The following DNAH7 variants were observed in gnomAD, a reference collection of about 807,000 sequenced individuals.
DNAH7 encodes dynein axonemal heavy chain 7.
DNAH7 carries 397 observed loss-of-function variants against 444.6 expected under a neutral mutation model. The observed-to-expected ratio is 0.89, with a 90% CI of 0.82 to 0.97. DNAH7 has a LOEUF of 0.97. DNAH7 is among the 50% of genes least tolerant of loss of function. The probability of loss-of-function intolerance (pLI) is 0.00; values close to 1 mark genes in which losing one functional copy is unlikely to be tolerated. For synonymous variants in DNAH7, 1,636 were observed against 1,624.4 expected (o/e 1.01, Z -0.17); for missense variants, 4,902 against 4,800.8 (o/e 1.02, Z -0.62).
chr2:195,907,021 G>A lies in DNAH7; in HGVS notation c.4105-12C>T. The A allele has an allele frequency of 1.3e-6, 2 of 1,597,994 alleles. No homozygotes were observed. Among genetic ancestry groups the A allele is most frequent in the African/African-American group, 1.4e-5 (1 of 73,896 alleles). On this transcript the variant is annotated splice_polypyrimidine_tract_variant and intron_variant, in intron 25 of 64. Coordinates refer to ENST00000312428, the MANE Select transcript of DNAH7 (RefSeq NM_018897.3). Reference sequence around the variant, plus strand: ...CAAGATAACAGTCCCTATGAGAAAAGAGTAATGAAAATTTTTGACTTTATC... The same window carrying A: ...CAAGATAACAGTCCCTATGAGAAAAAAGTAATGAAAATTTTTGACTTTATC...
chr2:195,888,044 C>CT (rs1292875706), intron 33 of DNAH7, among the ~76,000 whole-genome samples: 17 of 151,668 alleles, frequency 1.1e-4, no homozygotes, highest in Non-Finnish European at 1.8e-4. Flanking sequence ...TTTGAGTTCT[C>CT]TTTTTTTTAG....
At chr2:195,874,755 A>C (rs341934) in intron 38 of DNAH7, among the ~76,000 whole-genome samples, 1 of 152,116 alleles carries the variant, frequency 6.6e-6, no homozygotes, top group East Asian at 1.9e-4. Flanking sequence ...CCAGGAGTTT[A>C]AGGCTGCCGT....
intron 5 of DNAH7, among the ~76,000 whole-genome samples, chr2:196,045,252 A>G (rs1459519188): frequency 2.0e-5 from 3 of 150,516 alleles, no homozygotes; most frequent in African/African-American, 7.3e-5. Flanking sequence ...AGGGAAGAAA[A>G]AGAAGAAGGG....
chr2:195,853,678 G>C (rs982250352), intron 45 of DNAH7, 150 bp from the exon 46 acceptor site: 3 of 714,532 alleles, frequency 4.2e-6, no homozygotes, highest in Non-Finnish European at 6.6e-6. Flanking sequence ...GAAAGTCCAT[G>C]ATATTTTAGA....
chr2:195,829,085 T>A (rs544990245), intron 48 of DNAH7, among the ~76,000 whole-genome samples: 1 of 152,316 alleles, frequency 6.6e-6, no homozygotes, highest in African/African-American at 2.4e-5. Flanking sequence ...TTTGTCTTTT[T>A]CTCACTTTTT....
chr2:195,935,597 G>A (rs967529003), intron 20 of DNAH7, among the ~76,000 whole-genome samples: 3 of 152,166 alleles, frequency 2.0e-5, no homozygotes, highest in African/African-American at 7.2e-5. Context: ...TATTCCGCTA[G>A]AGGAAGACAT....
chr2:195,984,909 T>G (rs1445161967), intron 14 of DNAH7, among the ~76,000 whole-genome samples, 199 bp from the exon 15 acceptor site: 1 of 152,218 alleles, frequency 6.6e-6, no homozygotes, highest in Non-Finnish European at 1.5e-5. Flanking sequence ...CATTTTTAAC[T>G]ATAATACTGT....
chr2:196,045,662 A>T (rs1575094618), intron 5 of DNAH7, among the ~76,000 whole-genome samples: 1 of 152,294 alleles, frequency 6.6e-6, no homozygotes, highest in East Asian at 1.9e-4. Context: ...TTTGTGTGTT[A>T]TTCAGAAGGA....
chr2:195,912,758 C>T (rs1687437487), intron 24 of DNAH7, among the ~76,000 whole-genome samples: 1 of 152,206 alleles, frequency 6.6e-6, no homozygotes, highest in South Asian at 2.1e-4. Context: ...TATAAACCTA[C>T]TTCTTTCTGT....
Position 195,959,394 on chromosome 2 carries a change from C to T in DNAH7, c.2891+866G>A, listed in dbSNP as rs375713453. On this transcript the variant is annotated intron_variant, in intron 18 of 64. Transcript: ENST00000312428. ...AATTTCCAAGCAGCTAATGATATCA[C>T]GCATAGTCCCTTAAAATGGAATCTA... Among the ~76,000 whole-genome samples the T allele has an allele frequency of 1.1e-4, 17 of 152,182 alleles. 1 individual carries two copies. The highest frequency in any genetic ancestry group is 3.4e-3 in the Middle Eastern group (1 of 294).
chr2:195,798,259 T>C (rs766264360), intron 55 of DNAH7, among the ~76,000 whole-genome samples: 6 of 152,176 alleles, frequency 3.9e-5, no homozygotes, highest in Non-Finnish European at 8.8e-5. Flanking sequence ...GATACCACCA[T>C]CTACCTTATG....
rs1364653816 is a variant in DNAH7, at chr2:195,787,307, A to C, written c.10717-136T>G. On this transcript the variant is annotated intron_variant, in intron 57 of 64. Coordinates refer to ENST00000312428, the MANE Select transcript of DNAH7 (RefSeq NM_018897.3). ...CATATTCATCCCAAATTACAATTAT[A>C]ACAGAGTTAAGTATGTTTCTACAGC... 3.2e-6 allele frequency: 3 copies of C among 933,208 alleles called. No homozygotes were observed. In the Admixed American group the frequency reaches 9.0e-5, roughly 28 times the overall value. The allele number at this position is 933,208 out of a possible 1,614,324, so 57.8% of individuals were successfully genotyped here. A position where few individuals can be genotyped will look rare whatever the true frequency, so the allele number is the denominator to read the frequency against.
chr2:196,014,510 C>G (rs1694901652), intron 9 of DNAH7, among the ~76,000 whole-genome samples: 2 of 152,088 alleles, frequency 1.3e-5, no homozygotes, highest in South Asian at 4.1e-4. Flanking sequence ...GGTCACATAT[C>G]CCTCCTGCCC....
chr2:196,059,196 A>G (rs1575121560), intron 1 of DNAH7, among the ~76,000 whole-genome samples: 2 of 152,146 alleles, frequency 1.3e-5, no homozygotes, highest in African/African-American at 4.8e-5. Context: ...TCTACTTCCT[A>G]AGGTGAATAT....
intron 18 of DNAH7, 125 bp from the exon 19 acceptor site, chr2:195,957,572 A>G (rs1483038328): frequency 4.6e-6 from 2 of 435,228 alleles, no homozygotes; most frequent in Admixed American, 4.7e-5. Flanking sequence ...TATACATTAT[A>G]TACAATCTTG....
At chr2:195,803,493 C>T (rs974364561) in intron 54 of DNAH7, among the ~76,000 whole-genome samples, 9 of 152,194 alleles carry the variant, frequency 5.9e-5, no homozygotes, top group Non-Finnish European at 1.3e-4. Flanking sequence ...TTGTAACTCC[C>T]GAGGTAAATG....
chr2:196,067,280 T>G (rs1223929962), intron 1 of DNAH7, among the ~76,000 whole-genome samples: 3 of 152,186 alleles, frequency 2.0e-5, no homozygotes, highest in Non-Finnish European at 2.9e-5. Flanking sequence ...CAACGTAGGA[T>G]ATGGTTCAAG....
At chr2:195,941,960 C>T (rs1689479512) in intron 19 of DNAH7, among the ~76,000 whole-genome samples, 1 of 152,112 alleles carries the variant, frequency 6.6e-6, no homozygotes, top group African/African-American at 2.4e-5. Flanking sequence ...TCAATTATTA[C>T]TCATTTAACA....
At chr2:195,887,271 C>A (rs918664476) in intron 33 of DNAH7, among the ~76,000 whole-genome samples, 4 of 152,008 alleles carry the variant, frequency 2.6e-5, no homozygotes, top group Non-Finnish European at 4.4e-5. Flanking sequence ...GGAAAAAAAA[C>A]CCCATAAAGG....
Sources: gnomAD v4.1 joint callset for allele counts (sites outside exome capture counted in the v4.1 genomes callset) on GRCh38, gnomAD v4.1.1 for gene constraint, MANE v1.5 for transcripts, NCBI Gene and HGNC (gene_info 2026-07-23, HGNC 2026-07-21) for gene names.